The following USP8 variants were observed in gnomAD, a reference collection of about 807,000 sequenced individuals.
USP8 encodes the protein ubiquitin carboxyl-terminal hydrolase 8.
USP8 carries 27 observed loss-of-function variants against 130.0 expected under a neutral mutation model. The ratio of observed to expected loss-of-function variants is 0.21; its 90% confidence interval spans 0.15 to 0.29. The LOEUF (loss-of-function observed/expected upper bound fraction) is 0.29. USP8 is among the 10% of genes least tolerant of loss of function. The pLI is 1.00. For synonymous variants in USP8, 392 were observed against 444.1 expected (o/e 0.88, Z 1.48); for missense variants, 1,029 against 1,312.2 (o/e 0.78, Z 3.33).
intron 11 of USP8, among the ~76,000 whole-genome samples, chr15:50,482,546 G>C (rs2051812709): frequency 6.6e-6 from 1 of 152,050 alleles, no homozygotes; most frequent in African/African-American, 2.4e-5. Flanking sequence ...TTTGTTTCTT[G>C]CTTTATCTAT....
At chr15:50,436,885 G>C (rs1256776312) in intron 1 of USP8, among the ~76,000 whole-genome samples, 1 of 152,048 alleles carries the variant, frequency 6.6e-6, no homozygotes, top group African/African-American at 2.4e-5. Context: ...GACCAGGCTG[G>C]ACTTGAACTC....
chr15:50,494,573 T>C (rs979034639), intron 16 of USP8, among the ~76,000 whole-genome samples: 5 of 152,250 alleles, frequency 3.3e-5, no homozygotes, highest in African/African-American at 1.2e-4. Context: ...AATGATCTTA[T>C]AAAAGATTAT....
At chr15:50,441,260 G>T in intron 2 of USP8, 89 bp from the exon 3 acceptor site, 1 of 1,296,994 alleles carries the variant, frequency 7.7e-7, no homozygotes. Context: ...GGGGATCCCT[G>T]ATAAAGATTA....
At chr15:50,479,081 C>T (rs1321038025) in intron 10 of USP8, among the ~76,000 whole-genome samples, 2 of 151,774 alleles carry the variant, frequency 1.3e-5, no homozygotes, top group African/African-American at 4.8e-5. Flanking sequence ...AATAAGACAG[C>T]ATGAAAGTTT....
chr15:50,497,218 G>A lies in USP8; in HGVS notation c.3025G>A (p.Val1009Met), dbSNP rs1296730010. ...EIWKLPPVLL[V>M]HLKRFSYDGR... ...CTGGAAGTTACCACCTGTGCTTTTAGTGCATCTGAAACGGTAAAGGGGAAA... is the reference window on the plus strand; with the variant it reads ...CTGGAAGTTACCACCTGTGCTTTTAATGCATCTGAAACGGTAAAGGGGAAA... The change falls in exon 18 of 20, where the codon GTG (valine) becomes ATG (methionine). Residue 1009 changes from valine (V) to methionine (M), a missense_variant. Val to Met is a conservative substitution (Grantham distance 21). This residue lies in a region of USP8 where 257 missense variants were observed against 429.8 expected (regional missense o/e 0.60). Coordinates refer to ENST00000307179, the MANE Select transcript of USP8 (RefSeq NM_005154.5). 2 of 1,607,352 alleles carry A rather than the reference G, an allele frequency of 1.2e-6. No individual in the cohort carries two copies. Among genetic ancestry groups the A allele is most frequent in the Admixed American group, 1.7e-5 (1 of 58,264 alleles).
intron 2 of USP8, among the ~76,000 whole-genome samples, chr15:50,441,058 G>A (rs183673810): frequency 5.9e-5 from 9 of 152,092 alleles, no homozygotes; most frequent in Admixed American, 5.2e-4. Flanking sequence ...GTTCACAATA[G>A]GGTTCGTGCT....
intron 1 of USP8, among the ~76,000 whole-genome samples, chr15:50,430,232 A>C (rs1050310454): frequency 6.6e-6 from 1 of 152,168 alleles, no homozygotes; most frequent in Admixed American, 6.5e-5. Flanking sequence ...GGGCTAGTTC[A>C]GCTCCTTGGG....
intron 11 of USP8, 28 bp downstream of exon 11, chr15:50,482,093 C>T (rs760469416): frequency 1.7e-5 from 24 of 1,446,182 alleles, no homozygotes; most frequent in East Asian, 1.5e-4. Context: ...AAATTGCCAA[C>T]GAAGTGAAAG....
At chr15:50,497,259 C>T in intron 18 of USP8, 28 bp downstream of exon 18, 2 of 1,569,624 alleles carry the variant, frequency 1.3e-6, no homozygotes, top group East Asian at 2.3e-5. Flanking sequence ...TCCTCCTGTT[C>T]AGTGAAATTA....
Position 50,510,648 on chromosome 15 carries a change from T to TA in USP8, c.*11561dup, listed in dbSNP as rs1378854988. 6.6e-6 allele frequency: 1 copy of TA among 152,184 alleles called. No homozygotes were observed. The highest frequency in any genetic ancestry group is 1.5e-5 in the Non-Finnish European group (1 of 68,034). The allele number at this position is 152,184 out of a possible 1,614,324, so 9.4% of individuals were successfully genotyped here. On this transcript the variant is annotated 3_prime_UTR_variant, in exon 20 of 20. Coordinates refer to ENST00000307179, the MANE Select transcript of USP8 (RefSeq NM_005154.5). ...TACAAGATTTAAATCAGCAAAAAGTTAGATATACGTGTGTATAGATGTGCA... is the reference window on the plus strand; with the variant it reads ...TACAAGATTTAAATCAGCAAAAAGTTAAGATATACGTGTGTATAGATGTGCA...
chr15:50,465,044 A>G lies in USP8; in HGVS notation c.542-3A>G. 6.2e-7 allele frequency: 1 copy of G among 1,613,542 alleles called. No individual in the cohort carries two copies. Among genetic ancestry groups the G allele is most frequent in the African/African-American group, 1.3e-5 (1 of 75,032 alleles). On this transcript the variant is annotated splice_polypyrimidine_tract_variant and splice_region_variant and intron_variant, in intron 6 of 19. Coordinates refer to ENST00000307179, the MANE Select transcript of USP8 (RefSeq NM_005154.5). ...CACTTACACTGTCTCTCTCAATTCC[A>G]AGGAGCAATCACAGCAAAGGAACTA...
At chr15:50,471,942 C>T (rs1180384193) in intron 8 of USP8, 147 bp downstream of exon 8, 3 of 913,136 alleles carry the variant, frequency 3.3e-6, no homozygotes, top group Non-Finnish European at 4.9e-6. Flanking sequence ...ACTCTGTTGC[C>T]CAAGCTAGAG....
intron 3 of USP8, among the ~76,000 whole-genome samples, chr15:50,448,840 T>A (rs1019432575): frequency 1.3e-5 from 2 of 152,280 alleles, no homozygotes; most frequent in South Asian, 4.1e-4. Context: ...TATTAATTAT[T>A]TATTTTCTAT....
chr15:50,498,045 T>G (rs1018374188), intron 18 of USP8, among the ~76,000 whole-genome samples: 2 of 152,202 alleles, frequency 1.3e-5, no homozygotes, highest in Non-Finnish European at 2.9e-5. Context: ...TATAAGTGAT[T>G]ACACATTTGC....
Position 50,432,257 on chromosome 15 carries a change from A to AT in USP8, c.-65-6746dup, listed in dbSNP as rs1407113809. The AT allele has an allele frequency of 2.6e-5, 4 of 152,244 alleles. No homozygotes were observed. In the South Asian group the frequency reaches 8.3e-4, roughly 32 times the overall value. 9.4% of individuals were successfully genotyped at this position (152,244 alleles called of 1,614,324 possible). ...ACCACTACGCCCAGCTAATTTTTAA[A>AT]TTTTTTGTAAAATTTTTTGTCTTTA... On this transcript the variant is annotated intron_variant, in intron 1 of 19. Coordinates refer to ENST00000307179, the MANE Select transcript of USP8 (RefSeq NM_005154.5).
chr15:50,486,920 T>C (rs2051982122), intron 12 of USP8, among the ~76,000 whole-genome samples: 1 of 151,854 alleles, frequency 6.6e-6, no homozygotes, highest in African/African-American at 2.4e-5. Context: ...ATCATTTGAG[T>C]TCAGGAGTTC....
rs1480565585 is a variant in USP8 at position 50,507,748 on chromosome 15, T to C, written c.*8660T>C. 1 of 152,070 alleles carries C rather than the reference T, an allele frequency of 6.6e-6. No homozygotes were observed. Among genetic ancestry groups the C allele is most frequent in the Non-Finnish European group, 1.5e-5 (1 of 68,022 alleles). 9.4% of individuals were successfully genotyped at this position (152,070 alleles called of 1,614,324 possible). A position where few individuals can be genotyped will look rare whatever the true frequency, so the allele number is the denominator to read the frequency against. On this transcript the variant is annotated 3_prime_UTR_variant, in exon 20 of 20. Coordinates refer to ENST00000307179, the MANE Select transcript of USP8 (RefSeq NM_005154.5). Reference sequence around the variant, plus strand: ...TTAGATGAGTATCTGACTCCTGAAATAGAAGTGCACTGTCTCAACAAATGT... The same window carrying C: ...TTAGATGAGTATCTGACTCCTGAAACAGAAGTGCACTGTCTCAACAAATGT...
At chr15:50,449,631 G>A (rs983193972) in intron 4 of USP8, 146 bp downstream of exon 4, 31 of 440,346 alleles carry the variant, frequency 7.0e-5, no homozygotes, top group Non-Finnish European at 8.1e-5. Flanking sequence ...GCCCATGCTG[G>A]AGTGCAGTGG....
At chr15:50,483,807 A>G (rs1043381854) in intron 11 of USP8, among the ~76,000 whole-genome samples, 5 of 152,072 alleles carry the variant, frequency 3.3e-5, no homozygotes, top group African/African-American at 1.2e-4. Flanking sequence ...AAAAAAAAAA[A>G]GAATCTGTGA....
Sources: allele counts gnomAD v4.1 joint callset (sites outside exome capture counted in the v4.1 genomes callset), GRCh38; gene constraint gnomAD v4.1.1; regional missense constraint gnomAD v4.1.1; transcripts MANE v1.5; gene names NCBI Gene and HGNC (gene_info 2026-07-23, HGNC 2026-07-21).